Variants in DLG2 observed in about 807,000 individuals in gnomAD.
The protein encoded by DLG2 is disks large homolog 2.
In DLG2, 45 loss-of-function variants were observed where a neutral mutation model predicts 132.5. That is an observed-to-expected ratio of 0.34 (90% CI 0.27 to 0.44). DLG2 has a LOEUF of 0.44. Among genes scored for constraint, DLG2 ranks in the 20% least tolerant of loss-of-function variants. The pLI is 1.00. For missense variants in DLG2, 1,045 were observed against 1,196.9 expected (o/e 0.87, Z 1.87); for synonymous variants, 424 against 419.6 (o/e 1.01, Z -0.13).
intron 3 of DLG2, among the ~76,000 whole-genome samples, chr11:85,480,883 A>G (rs2093272529): frequency 6.6e-6 from 1 of 152,372 alleles, no homozygotes; most frequent in African/African-American, 2.4e-5. Context: ...CAAAAAAAAT[A>G]CCACATGCAC....
chr11:84,807,946 G>T lies in DLG2; in HGVS notation c.358-273215C>A, dbSNP rs181126681. 2.0e-5 allele frequency among the ~76,000 whole-genome samples: 3 copies of T among 151,882 alleles called. No homozygotes were observed. The East Asian group carries it at 5.8e-4, about 29-fold the overall frequency. ...TATTGACAATTCACAAAATACCTAC[G>T]CCAAAAATCAGAATGCATATAGAAT... On this transcript the variant is annotated intron_variant, in intron 6 of 27. Coordinates refer to ENST00000376104, the MANE Select transcript of DLG2 (RefSeq NM_001142699.3).
intron 18 of DLG2, among the ~76,000 whole-genome samples, chr11:83,743,376 C>A (rs540499734): frequency 5.4e-5 from 8 of 147,334 alleles, no homozygotes; most frequent in African/African-American, 5.2e-5. Flanking sequence ...TACTTTATAT[C>A]TCTGTCTCTT....
intron 7 of DLG2, among the ~76,000 whole-genome samples, chr11:84,446,474 A>C (rs2099035308): frequency 6.6e-6 from 1 of 152,024 alleles, no homozygotes. Context: ...TGCGACCTTC[A>C]GTTGTGCAAC....
At chr11:83,942,187 C>T (rs2082803245) in intron 14 of DLG2, among the ~76,000 whole-genome samples, 2 of 151,966 alleles carry the variant, frequency 1.3e-5, no homozygotes, top group Admixed American at 1.3e-4. Flanking sequence ...AATTTGATGA[C>T]ATAAAAAGAC....
At chr11:85,236,263 T>C (rs866991276) in intron 4 of DLG2, among the ~76,000 whole-genome samples, 2 of 152,044 alleles carry the variant, frequency 1.3e-5, no homozygotes, top group Admixed American at 6.6e-5. Context: ...TACTAATAGT[T>C]TGCCAGGACT....
At chr11:85,461,543 T>C (rs1346644956) in intron 3 of DLG2, among the ~76,000 whole-genome samples, 1 of 152,230 alleles carries the variant, frequency 6.6e-6, no homozygotes, top group Non-Finnish European at 1.5e-5. Context: ...AGAGAAGTCC[T>C]TGAGTACCTG....
intron 7 of DLG2, among the ~76,000 whole-genome samples, chr11:84,320,869 T>G (rs1163108277): frequency 6.6e-6 from 1 of 152,174 alleles, no homozygotes; most frequent in Admixed American, 6.5e-5. Flanking sequence ...TAATCTGAAT[T>G]AATTACAAGT....
chr11:84,769,638 A>G (rs1565913672), intron 6 of DLG2, among the ~76,000 whole-genome samples: 2 of 152,212 alleles, frequency 1.3e-5, no homozygotes, highest in Non-Finnish European at 2.9e-5. Flanking sequence ...GAACACCTGT[A>G]AGATACTATA....
chr11:85,270,840 C>T (rs754574380), intron 4 of DLG2, among the ~76,000 whole-genome samples: 2 of 152,104 alleles, frequency 1.3e-5, no homozygotes, highest in African/African-American at 2.4e-5. Context: ...AATTTCTAAG[C>T]AGCAAAGCAT....
intron 6 of DLG2, among the ~76,000 whole-genome samples, chr11:84,759,384 G>C (rs2153853739): frequency 6.6e-6 from 1 of 152,266 alleles, no homozygotes; most frequent in African/African-American, 2.4e-5. Context: ...ACCTGCACTG[G>C]AACTGTTAGC....
intron 19 of DLG2, chr11:83,631,346 ATAAG>A (rs2063530220): frequency 6.6e-6 from 1 of 151,922 alleles, no homozygotes; most frequent in African/African-American, 2.4e-5. Context: ...TAGGTACAAA[ATAAG>A]TAGTAATAAT....
intron 8 of DLG2, among the ~76,000 whole-genome samples, chr11:84,232,059 A>T (rs892374534): frequency 1.3e-5 from 2 of 152,154 alleles, no homozygotes; most frequent in Admixed American, 1.3e-4. Context: ...CTAAAGCCAG[A>T]CTATGTGAAA....
At chr11:85,105,360 G>T (rs928150058) in intron 6 of DLG2, among the ~76,000 whole-genome samples, 29 of 151,908 alleles carry the variant, frequency 1.9e-4, no homozygotes, top group Non-Finnish European at 3.8e-4. Flanking sequence ...GGAAACTGGT[G>T]TAAGTCTAAA....
intron 6 of DLG2, among the ~76,000 whole-genome samples, chr11:84,683,048 T>A (rs1370877917): frequency 5.9e-5 from 9 of 152,162 alleles, no homozygotes; most frequent in Non-Finnish European, 1.0e-4. Flanking sequence ...CTGAGTATAT[T>A]TGAGCAATGT....
At chr11:85,462,840 A>G (rs1469057282) in intron 3 of DLG2, among the ~76,000 whole-genome samples, 2 of 152,024 alleles carry the variant, frequency 1.3e-5, no homozygotes, top group South Asian at 2.1e-4. Context: ...CACTGTGGCT[A>G]CATTTGGAGA....
chr11:84,623,530 A>T (rs1034885136), intron 6 of DLG2, among the ~76,000 whole-genome samples: 1 of 152,228 alleles, frequency 6.6e-6, no homozygotes, highest in African/African-American at 2.4e-5. Flanking sequence ...AGTTTTACAG[A>T]TGAAGGAATG....
chr11:83,635,628 A>G (rs1270848205), intron 18 of DLG2, among the ~76,000 whole-genome samples: 1 of 152,168 alleles, frequency 6.6e-6, no homozygotes, highest in African/African-American at 2.4e-5. Flanking sequence ...TAACCATACA[A>G]ACAAGACCAT....
intron 2 of DLG2, among the ~76,000 whole-genome samples, chr11:85,618,794 T>C (rs958027195): frequency 6.6e-6 from 1 of 152,212 alleles, no homozygotes; most frequent in East Asian, 1.9e-4. Flanking sequence ...ATCCAATGTT[T>C]TGTGCATACC....
intron 7 of DLG2, among the ~76,000 whole-genome samples, chr11:84,337,279 C>T (rs189231575): frequency 2.6e-4 from 40 of 152,234 alleles, no homozygotes; most frequent in African/African-American, 9.6e-4. Flanking sequence ...TCCAAGTTCA[C>T]GTGGTTCAAC....
Sources: gnomAD v4.1 joint callset for allele counts (sites outside exome capture counted in the v4.1 genomes callset) on GRCh38, gnomAD v4.1.1 for gene constraint, MANE v1.5 for transcripts, NCBI Gene and HGNC (gene_info 2026-07-23, HGNC 2026-07-21) for gene names.